Variants in FSTL4 observed in about 807,000 individuals in gnomAD.
FSTL4 encodes the protein follistatin like 4.
FSTL4 carries 28 observed loss-of-function variants against 78.2 expected under a neutral mutation model. That is an observed-to-expected ratio of 0.36 (90% CI 0.27 to 0.49). FSTL4 has a LOEUF of 0.49. Among genes scored for constraint, FSTL4 ranks in the 20% least tolerant of loss-of-function variants. The pLI, the probability that FSTL4 is intolerant of heterozygous loss-of-function variation, is 0.98. For synonymous variants in FSTL4, 422 were observed against 440.5 expected (o/e 0.96, Z 0.53); for missense variants, 922 against 1,084.9 (o/e 0.85, Z 2.11).
chr5:133,212,435 A>C (rs978419498), intron 13 of FSTL4, among the ~76,000 whole-genome samples: 5 of 152,242 alleles, frequency 3.3e-5, no homozygotes, highest in African/African-American at 1.2e-4. Flanking sequence ...CCCCAGGATT[A>C]GGGGCAAATC....
chr5:133,446,907 G>T (rs888310462), intron 3 of FSTL4, among the ~76,000 whole-genome samples: 23 of 152,192 alleles, frequency 1.5e-4, no homozygotes, highest in Non-Finnish European at 2.6e-4. Flanking sequence ...GGTGGCTGAG[G>T]GGGTTCTGGA....
the FSTL4 span, among the ~76,000 whole-genome samples, chr5:133,679,881 T>A: frequency 6.6e-6 from 1 of 152,182 alleles, no homozygotes; most frequent in East Asian, 1.9e-4. Context: ...TATACCTCCC[T>A]TTCCCTCCAA....
chr5:133,450,859 G>T (rs900697572), intron 3 of FSTL4, among the ~76,000 whole-genome samples: 2 of 152,186 alleles, frequency 1.3e-5, no homozygotes, highest in Admixed American at 1.3e-4. Flanking sequence ...GCAGACCAAT[G>T]GGGGAGAGCC....
At chr5:133,514,515 T>C (rs1270486716) in intron 3 of FSTL4, among the ~76,000 whole-genome samples, 1 of 152,214 alleles carries the variant, frequency 6.6e-6, no homozygotes, top group African/African-American at 2.4e-5. Flanking sequence ...GGAGCAGATG[T>C]GCAGGGCAGG....
At chr5:133,218,799 C>G (rs1227533565) in intron 12 of FSTL4, among the ~76,000 whole-genome samples, 2 of 152,218 alleles carry the variant, frequency 1.3e-5, no homozygotes, top group African/African-American at 4.8e-5. Context: ...CTCTTACCAG[C>G]TGCATTTTCC....
At chr5:133,334,937 G>A (rs1194636566) in intron 4 of FSTL4, among the ~76,000 whole-genome samples, 1 of 152,176 alleles carries the variant, frequency 6.6e-6, no homozygotes, top group East Asian at 1.9e-4. Context: ...CAAGGCCTAA[G>A]AGTCAGGGGA....
chr5:133,512,266 C>T (rs981940846), intron 3 of FSTL4, among the ~76,000 whole-genome samples: 1 of 152,250 alleles, frequency 6.6e-6, no homozygotes, highest in Non-Finnish European at 1.5e-5. Context: ...TAGTCCAACA[C>T]ACAGTTCAGA....
rs978240550 is a variant in FSTL4 at position 133,597,063 on chromosome 5, C to T, written c.126+6795G>A. Among the ~76,000 whole-genome samples the T allele has an allele frequency of 2.6e-5, 4 of 152,120 alleles. No homozygotes were observed. The East Asian group carries it at 5.8e-4, about 22-fold the overall frequency. On this transcript the variant is annotated intron_variant, in intron 2 of 15. Coordinates refer to ENST00000265342, the MANE Select transcript of FSTL4 (RefSeq NM_015082.2). The stretch of plus-strand genomic sequence containing the variant: ...GTGCCAGCACCCACCACAGTGTTCT[C>T]GGTGTCGCCTGCTCAGAGCACTGGG...
At chr5:133,839,678 C>T in the FSTL4 span, among the ~76,000 whole-genome samples, 1 of 152,294 alleles carries the variant, frequency 6.6e-6, no homozygotes, top group South Asian at 2.1e-4. Context: ...CATAATAAAA[C>T]ATTGTGTCTC....
intron 1 of FSTL4, among the ~76,000 whole-genome samples, chr5:133,606,346 C>G (rs1760977571): frequency 1.3e-5 from 2 of 152,128 alleles, no homozygotes; most frequent in South Asian, 4.2e-4. Flanking sequence ...TCTCGAACTC[C>G]CAACCTCAGG....
intron 3 of FSTL4, among the ~76,000 whole-genome samples, chr5:133,540,871 T>C (rs1759456447): frequency 6.6e-6 from 1 of 152,236 alleles, no homozygotes; most frequent in South Asian, 2.1e-4. Context: ...GTGACAATAT[T>C]ATTAAACCAC....
At chr5:133,277,980 G>T (rs1448165211) in intron 6 of FSTL4, among the ~76,000 whole-genome samples, 1 of 152,144 alleles carries the variant, frequency 6.6e-6, no homozygotes, top group Non-Finnish European at 1.5e-5. Flanking sequence ...TCTGAGCTCA[G>T]TCCCGTGGCC....
chr5:133,275,240 G>A (rs757420492), intron 6 of FSTL4, among the ~76,000 whole-genome samples: 12 of 150,802 alleles, frequency 8.0e-5, no homozygotes, highest in South Asian at 2.1e-4. Context: ...CTCCAGCCTC[G>A]GTGACGGAGG....
At chr5:133,513,322 G>C (rs956876670) in intron 3 of FSTL4, among the ~76,000 whole-genome samples, 4 of 152,152 alleles carry the variant, frequency 2.6e-5, no homozygotes, top group African/African-American at 7.2e-5. Context: ...ATTATTAATT[G>C]CTATATGAGG....
the FSTL4 span, among the ~76,000 whole-genome samples, chr5:133,745,095 C>T: frequency 1.3e-5 from 2 of 152,160 alleles, no homozygotes; most frequent in Non-Finnish European, 2.9e-5. Flanking sequence ...ACCAAGGGTG[C>T]TTATTTTAGA....
At chr5:133,289,005 C>G (rs924198461) in intron 6 of FSTL4, among the ~76,000 whole-genome samples, 13 of 152,358 alleles carry the variant, frequency 8.5e-5, no homozygotes, top group Middle Eastern at 6.8e-3. Context: ...AGAGGCACAG[C>G]CTGGCCTGGA....
At chr5:133,396,070 G>T (rs1476963375) in intron 4 of FSTL4, among the ~76,000 whole-genome samples, 1 of 152,138 alleles carries the variant, frequency 6.6e-6, no homozygotes, top group Non-Finnish European at 1.5e-5. Context: ...TAAATATGGA[G>T]GGCCAATGTT....
chr5:133,705,548 CCTT>C, the FSTL4 span, among the ~76,000 whole-genome samples: 1 of 152,118 alleles, frequency 6.6e-6, no homozygotes, highest in Non-Finnish European at 1.5e-5. Flanking sequence ...GGCCATAAAT[CCTT>C]CTCACAGGAC....
At chr5:133,405,638 C>T (rs1304955917) in intron 3 of FSTL4, among the ~76,000 whole-genome samples, 3 of 152,234 alleles carry the variant, frequency 2.0e-5, no homozygotes, top group African/African-American at 4.8e-5. Context: ...AGGGATTGGA[C>T]ATAACGGTCC....
Sources: allele counts gnomAD v4.1 joint callset (sites outside exome capture counted in the v4.1 genomes callset), GRCh38; gene constraint gnomAD v4.1.1; transcripts MANE v1.5; gene names NCBI Gene and HGNC (gene_info 2026-07-23, HGNC 2026-07-21).